UBAP2L: variants seen among roughly 807,000 people sequenced by gnomAD.
UBAP2L encodes ubiquitin associated protein 2 like, also known as ubiquitin-associated protein 2-like.
A neutral mutation model predicts 130.6 loss-of-function variants in UBAP2L; 12 were observed. That is an observed-to-expected ratio of 0.09 (90% confidence interval 0.06 to 0.15). UBAP2L has a LOEUF of 0.15. Ranked by LOEUF, UBAP2L falls within the 10% of genes least tolerant of loss-of-function variation. The pLI is 1.00. For missense variants in UBAP2L, 965 were observed against 1,332.5 expected (o/e 0.72, Z 4.29); for synonymous variants, 503 against 524.7 (o/e 0.96, Z 0.57).
At chr1:154,236,457 T>C (rs1671714851) in intron 6 of UBAP2L, 109 bp from the exon 7 acceptor site, 2 of 1,208,062 alleles carry the variant, frequency 1.7e-6, no homozygotes, top group Admixed American at 3.5e-5. Context: ...CCCTCAGCCT[T>C]TCAAAGTGCT....
At chr1:154,253,235 C>T (rs972760512) in intron 14 of UBAP2L, among the ~76,000 whole-genome samples, 12 of 151,210 alleles carry the variant, frequency 7.9e-5, no homozygotes, top group African/African-American at 2.9e-4. Context: ...ATCTCCTGAC[C>T]TTGTAATCTG....
intron 10 of UBAP2L, among the ~76,000 whole-genome samples, chr1:154,243,516 A>G (rs1303858415): frequency 1.3e-5 from 2 of 151,836 alleles, no homozygotes; most frequent in South Asian, 2.1e-4. Context: ...GCTGGAGTGC[A>G]GTGGCACGAT....
intron 23 of UBAP2L, 110 bp downstream of exon 23, chr1:154,261,219 T>A (rs1454257969): frequency 7.8e-7 from 1 of 1,280,352 alleles, no homozygotes; most frequent in Non-Finnish European, 1.1e-6. Context: ...GAGGAACAGT[T>A]TCCACCTCTG....
intron 24 of UBAP2L, chr1:154,263,534 T>G (rs970730328): frequency 6.9e-6 from 7 of 1,010,724 alleles, no homozygotes; most frequent in Admixed American, 1.2e-4. Flanking sequence ...CATGTCTTTG[T>G]GGACACTAGG....
chr1:154,266,590 A>T (rs746052191), intron 25 of UBAP2L, 22 bp downstream of exon 25: 1 of 1,611,518 alleles, frequency 6.2e-7, no homozygotes, highest in South Asian at 1.1e-5. Context: ...GCTCTGGATA[A>T]AAGTGGAAAA....
At chr1:154,234,012 A>G (rs1283852007) in intron 4 of UBAP2L, among the ~76,000 whole-genome samples, 2 of 151,914 alleles carry the variant, frequency 1.3e-5, no homozygotes, top group Admixed American at 6.6e-5. Context: ...AATGTTTCCT[A>G]TAAGTACCTT....
In UBAP2L at chr1:154,255,704, T is replaced by A; in HGVS notation, c.2106T>A (p.Asn702Lys). The change falls in exon 18 of 27, where the codon AAT becomes AAA. Residue 702 changes from asparagine to lysine, a missense_variant. By Grantham distance (94) the Asn-to-Lys change is moderately conservative. Coordinates refer to ENST00000428931, the MANE Select transcript of UBAP2L (RefSeq NM_014847.4). Reference protein sequence around the residue: ...QHSSTLSTQQNTLSSSTSSGR... With the variant: ...QHSSTLSTQQKTLSSSTSSGR... ...ACAGCACGTTATCTACGCAGCAGAA[T>A]ACCCTTTCATCATCAACATCTTCTG... 1 of 1,614,222 alleles carries A rather than the reference T, an allele frequency of 6.2e-7. No individual in the cohort carries two copies. The highest frequency in any genetic ancestry group is 8.5e-7 in the Non-Finnish European group (1 of 1,180,044).
chr1:154,230,658 C>T (rs1294386159), intron 4 of UBAP2L, among the ~76,000 whole-genome samples: 1 of 152,148 alleles, frequency 6.6e-6, no homozygotes, highest in African/African-American at 2.4e-5. Context: ...CCAGCATCTT[C>T]TGTCTAGTGC....
Position 154,270,481 on chromosome 1 carries a change from T to C in UBAP2L, c.*186T>C, listed in dbSNP as rs1277426823. ...ACCATCCCCACCCTGTTGTATGTAT[T>C]ATAGGATTTGTATTTTCTCCTTTTT... On this transcript the variant is annotated 3_prime_UTR_variant, in exon 27 of 27. Transcript: ENST00000428931. 3 of 1,485,874 alleles carry C rather than the reference T, an allele frequency of 2.0e-6. No homozygotes were observed. The African/African-American group carries it at 4.2e-5, about 21-fold the overall frequency. 92.0% of individuals were successfully genotyped at this position (1,485,874 alleles called of 1,614,324 possible).
chr1:154,254,190 T>G (rs1678841581), intron 15 of UBAP2L, 101 bp downstream of exon 15: 10 of 1,126,848 alleles, frequency 8.9e-6, no homozygotes, highest in Non-Finnish European at 1.2e-5. Flanking sequence ...GCTAAGAAAC[T>G]TTGGAAGTAG....
At chr1:154,249,864 C>CAA (rs1187501487) in intron 12 of UBAP2L, among the ~76,000 whole-genome samples, 7 of 61,188 alleles carry the variant, frequency 1.1e-4, no homozygotes, top group African/African-American at 3.9e-4. Flanking sequence ...TAGCTTTCCG[C>CAA]AAAAAAAAAA....
rs771931034 is a variant in UBAP2L, at chr1:154,257,300, A to C, written c.2353+42A>C. ...AGATGGCATTCCTCTGGGATGGAGG[A>C]GGTAAGTAATTGTGTGATGGGATAA... On this transcript the variant is annotated intron_variant, in intron 19 of 26. Coordinates refer to ENST00000428931, the MANE Select transcript of UBAP2L (RefSeq NM_014847.4). 18 of 1,613,958 alleles carry C rather than the reference A, an allele frequency of 1.1e-5. No individual in the cohort carries two copies. In the South Asian group the frequency reaches 2.0e-4, roughly 18 times the overall value.
In UBAP2L at chr1:154,225,192, A is replaced by G. The variant is rs1349889497; in HGVS notation, c.69A>G (p.Thr23=). ...AACAACCTCAAAACCAAAACCAGACACAGCACAAGCAGCGGCCACAGGTAA... is the reference window on the plus strand; with the variant it reads ...AACAACCTCAAAACCAAAACCAGACGCAGCACAAGCAGCGGCCACAGGTAA... ...NWEQPQNQNQ[T]QHKQRPQATA... The change falls in exon 2 of 27, where the codon ACA becomes ACG. Residue 23 remains threonine, a synonymous_variant. Coordinates refer to ENST00000428931, the MANE Select transcript of UBAP2L (RefSeq NM_014847.4). The G allele has an allele frequency of 6.2e-7, 1 of 1,614,156 alleles. No individual in the cohort carries two copies. Among genetic ancestry groups the G allele is most frequent in the Non-Finnish European group, 8.5e-7 (1 of 1,180,018 alleles).
At chr1:154,243,400 CAATAAT>C in intron 10 of UBAP2L, 98 bp downstream of exon 10, 1 of 964,078 alleles carries the variant, frequency 1.0e-6, no homozygotes, top group Admixed American at 2.3e-5. Context: ...CCCATGGTGT[CAATAAT>C]AATAACCAAA....
chr1:154,222,772 G>GT (rs1180348732), intron 1 of UBAP2L, among the ~76,000 whole-genome samples: 2 of 152,118 alleles, frequency 1.3e-5, no homozygotes, highest in African/African-American at 4.8e-5. Context: ...GTATTTTCCT[G>GT]AAGTATTGGA....
chr1:154,267,522 T>G (rs1683636557), intron 25 of UBAP2L, among the ~76,000 whole-genome samples: 2 of 149,276 alleles, frequency 1.3e-5, no homozygotes, highest in South Asian at 4.2e-4. Context: ...TTTTTTTTTT[T>G]GGAGACAGTC....
At chr1:154,233,831 A>G (rs1307163434) in intron 4 of UBAP2L, among the ~76,000 whole-genome samples, 1 of 151,390 alleles carries the variant, frequency 6.6e-6, no homozygotes, top group Non-Finnish European at 1.5e-5. Context: ...GAATGATGCT[A>G]TAAAAAGTTG....
At chr1:154,257,615 A>C (rs1020529205) in intron 20 of UBAP2L, 181 bp downstream of exon 20, 16 of 648,096 alleles carry the variant, frequency 2.5e-5, no homozygotes, top group African/African-American at 1.8e-4. Context: ...CGTATTTTTG[A>C]TCTGTGTGTC....
intron 8 of UBAP2L, among the ~76,000 whole-genome samples, chr1:154,240,816 A>G (rs1387302995): frequency 6.6e-6 from 1 of 151,460 alleles, no homozygotes; most frequent in African/African-American, 2.4e-5. Flanking sequence ...TACTAGATAA[A>G]TAGGTGTAGT....
Sources: allele counts gnomAD v4.1 joint callset (sites outside exome capture counted in the v4.1 genomes callset), GRCh38; gene constraint gnomAD v4.1.1; transcripts MANE v1.5; gene names NCBI Gene and HGNC (gene_info 2026-07-23, HGNC 2026-07-21).